The following CSNK1E variants were observed in gnomAD, a reference collection of about 807,000 sequenced individuals.
CSNK1E encodes casein kinase I isoform epsilon.
Under a neutral mutation model 46.1 loss-of-function variants are expected in CSNK1E, and 17 were observed. The observed-to-expected ratio is 0.37, with a 90% CI of 0.25 to 0.55. The LOEUF (loss-of-function observed/expected upper bound fraction) is 0.55. CSNK1E is among the 20% of genes least tolerant of loss of function. CSNK1E has a pLI of 0.82. For synonymous variants in CSNK1E, 241 were observed against 242.6 expected, an observed-to-expected ratio of 0.99 and a Z score of 0.06; for missense variants, 386 against 595.4, an observed-to-expected ratio of 0.65 and a Z score of 3.66.
At position 38,303,062 on chromosome 22, in the gene CSNK1E, A is replaced by G. The variant is rs2092681613; in HGVS notation, c.188-53T>C. The G allele has an allele frequency of 1.9e-6, 3 of 1,601,668 alleles. No individual in the cohort carries two copies. In the African/African-American group the frequency reaches 4.0e-5, roughly 21 times the overall value. ...AGGGGTCAGAGGCAGGCAGCCAGCC[A>G]CGCCCGGCCCACCCTGTGCTCATGG... On this transcript the variant is annotated intron_variant, in intron 3 of 10. Coordinates refer to ENST00000396832, the MANE Select transcript of CSNK1E (RefSeq NM_152221.3). This position sits in a 1 kb window ranked among gnomAD's most constrained non-coding sequence, Gnocchi z 4.7.
intron 7 of CSNK1E, among the ~76,000 whole-genome samples, chr22:38,295,036 G>GGT (rs1569075280): frequency 1.3e-5 from 2 of 152,208 alleles, no homozygotes; most frequent in African/African-American, 4.8e-5. Context: ...CTAGGACTCA[G>GGT]ACCAGCTCTC....
intron 2 of CSNK1E, among the ~76,000 whole-genome samples, chr22:38,310,016 T>A (rs922469096): frequency 3.3e-5 from 5 of 152,160 alleles, no homozygotes; most frequent in African/African-American, 1.2e-4. Flanking sequence ...AAGCTGAGGT[T>A]CAGAAACGTT....
rs2092654429 is a variant in CSNK1E, at chr22:38,298,676, T to C, written c.885+110A>G. 9 of 1,288,166 alleles carry C rather than the reference T, an allele frequency of 7.0e-6. No homozygotes were observed. Among genetic ancestry groups the C allele is most frequent in the East Asian group, 2.3e-5 (1 of 43,106 alleles). The allele number at this position is 1,288,166 out of a possible 1,614,324, so 79.8% of individuals were successfully genotyped here. A position where few individuals can be genotyped will look rare whatever the true frequency, so the allele number is the denominator to read the frequency against. ...GAGGTCAACCACACTGTCCAGCTCGTACCTCCCGTCTGTCGGGAGCCCCTC... is the reference window on the plus strand; with the variant it reads ...GAGGTCAACCACACTGTCCAGCTCGCACCTCCCGTCTGTCGGGAGCCCCTC... On this transcript the variant is annotated intron_variant, in intron 7 of 10. Coordinates refer to ENST00000396832, the MANE Select transcript of CSNK1E (RefSeq NM_152221.3). The surrounding 1 kb of genome is among the most constrained non-coding windows in gnomAD (Gnocchi z 4.2).
chr22:38,316,188 C>T (rs1437202600), intron 1 of CSNK1E, among the ~76,000 whole-genome samples: 1 of 152,172 alleles, frequency 6.6e-6, no homozygotes, highest in Non-Finnish European at 1.5e-5. Flanking sequence ...AGACAAACTA[C>T]CAACCAGCAT....
At chr22:38,311,699 T>G (rs1252052031) in intron 2 of CSNK1E, among the ~76,000 whole-genome samples, 1 of 152,136 alleles carries the variant, frequency 6.6e-6, no homozygotes, top group Non-Finnish European at 1.5e-5. Context: ...ATGAGAAGAC[T>G]GAGGCTCAGA....
chr22:38,314,050 C>G (rs2092732660), intron 2 of CSNK1E, 32 bp downstream of exon 2: 7 of 1,599,708 alleles, frequency 4.4e-6, no homozygotes, highest in Non-Finnish European at 6.0e-6. Flanking sequence ...GGGCTGGCCC[C>G]AGGGGCTCCA....
chr22:38,296,143 CAAG>C, intron 7 of CSNK1E: 1 of 991,248 alleles, frequency 1.0e-6, no homozygotes, highest in Non-Finnish European at 1.2e-6. Flanking sequence ...AGCCCCGAGG[CAAG>C]AAGTGGGCGA....
At chr22:38,308,073 C>T (rs1289354757) in intron 2 of CSNK1E, among the ~76,000 whole-genome samples, 1 of 152,150 alleles carries the variant, frequency 6.6e-6, no homozygotes, top group Non-Finnish European at 1.5e-5. Flanking sequence ...CATCCCCTGC[C>T]CCCCAACTAA....
Position 38,300,771 on chromosome 22 carries a change from A to G in CSNK1E, c.518T>C (p.Leu173Pro). The part of the protein sequence containing the change: ...QHIPYRENKN[L>P]TGTARYASIN... ...GGAAGCGTAGCGGGCCGTGCCGGTCAGGTTCTTGTTTTCCCGGTAGGGAAT... is the reference window on the plus strand; with the variant it reads ...GGAAGCGTAGCGGGCCGTGCCGGTCGGGTTCTTGTTTTCCCGGTAGGGAAT... The change falls in exon 5 of 11, where the codon CTG (leucine) becomes CCG (proline). Residue 173 changes from leucine (L) to proline (P), a missense_variant. Physicochemically the swap from Leu to Pro is moderately conservative, Grantham distance 98. Coordinates refer to ENST00000396832, the MANE Select transcript of CSNK1E (RefSeq NM_152221.3). This position sits in a 1 kb window ranked among gnomAD's most constrained non-coding sequence, Gnocchi z 4.4. 1 of 1,614,202 alleles carries G rather than the reference A, an allele frequency of 6.2e-7. No homozygotes were observed. Among genetic ancestry groups the G allele is most frequent in the Non-Finnish European group, 8.5e-7 (1 of 1,180,022 alleles).
chr22:38,297,149 T>A (rs1287644945), intron 7 of CSNK1E: 1 of 778,892 alleles, frequency 1.3e-6, no homozygotes, highest in African/African-American at 1.7e-5. Flanking sequence ...TCTTGGACAG[T>A]GTCCGTCTAG....
At chr22:38,297,413 G>A (rs2092646689) in intron 7 of CSNK1E, among the ~76,000 whole-genome samples, 1 of 152,208 alleles carries the variant, frequency 6.6e-6, no homozygotes, top group African/African-American at 2.4e-5. Flanking sequence ...GCCTCTCCCT[G>A]AGGTCCCTAG....
At chr22:38,307,489 T>C (rs748293934) in intron 2 of CSNK1E, among the ~76,000 whole-genome samples, 1 of 151,454 alleles carries the variant, frequency 6.6e-6, no homozygotes, top group Admixed American at 6.6e-5. Flanking sequence ...AGGCGGAGGT[T>C]GCAGTGAGCC....
rs946826447 is a variant in CSNK1E, at chr22:38,290,928, CA to C, written c.*1042del. 1.4e-5 allele frequency: 2 copies of C among 146,960 alleles called. No individual in the cohort carries two copies. The highest frequency in any genetic ancestry group is 6.8e-5 in the Admixed American group (1 of 14,788). 9.1% of individuals were successfully genotyped at this position (146,960 alleles called of 1,614,324 possible). The stretch of plus-strand genomic sequence containing the variant: ...AAAACACACACACGGAGAAAACAAA[CA>C]AAAATAAAATAAAATAAAAACAAAA... On this transcript the variant is annotated 3_prime_UTR_variant, in exon 11 of 11. Transcript: ENST00000396832.
At chr22:38,293,776 T>TG in intron 9 of CSNK1E, 1 of 414,488 alleles carries the variant, frequency 2.4e-6, no homozygotes, top group East Asian at 4.1e-5. Flanking sequence ...CAGGGGCTCC[T>TG]GGGGGCTCCC....
chr22:38,299,947 G>A lies in CSNK1E; in HGVS notation c.684C>T (p.Ile228=), dbSNP rs1389901995. The A allele has an allele frequency of 6.1e-5, 99 of 1,614,084 alleles. No homozygotes were observed. Among genetic ancestry groups the A allele is most frequent in the Non-Finnish European group, 8.2e-5 (97 of 1,180,042 alleles). Residue 228 remains isoleucine, a synonymous_variant, in exon 6 of 11, where the codon ATC becomes ATT. Coordinates refer to ENST00000396832, the MANE Select transcript of CSNK1E (RefSeq NM_152221.3). ...TGGGCGTTGACATCTTCTTCTCGCTGATCCGTTCATACTTCTGGCGCTTGG... is the reference window on the plus strand; with the variant it reads ...TGGGCGTTGACATCTTCTTCTCGCTAATCCGTTCATACTTCTGGCGCTTGG... The part of the protein sequence containing the change: ...AATKRQKYER[I]SEKKMSTPIE...
intron 7 of CSNK1E, chr22:38,297,975 T>C: frequency 8.8e-7 from 1 of 1,139,646 alleles, no homozygotes; most frequent in Non-Finnish European, 1.1e-6. Flanking sequence ...TGGGGGGCTC[T>C]GGGTGCCCAG....
rs775703068 is a variant in CSNK1E at position 38,294,378 on chromosome 22, C to T, written c.1042G>A (p.Val348Met). The T allele has an allele frequency of 3.3e-5, 52 of 1,557,364 alleles. No individual in the cohort carries two copies. In the Admixed American group the frequency reaches 5.0e-4, roughly 15 times the overall value. Residue 348 changes from valine (V) to methionine (M), a missense_variant, in exon 8 of 11, where the codon GTG becomes ATG. Around this residue, in one of 2 missense-constraint regions of CSNK1E, gnomAD observed 174 missense variants for 185.2 expected, o/e 0.94. Transcript: ENST00000396832. This position sits in a 1 kb window ranked among gnomAD's most constrained non-coding sequence, Gnocchi z 5.5. ...ATGCGGGAGGCTGGCGTGGAAGCCA[C>T]GGGCTCGGCGGCACTGCGGAGCCGG... ...ANRLRSAAEP[V>M]ASTPASRIQP...
chr22:38,316,358 C>T (rs1278406686), intron 1 of CSNK1E, among the ~76,000 whole-genome samples: 2 of 152,186 alleles, frequency 1.3e-5, no homozygotes, highest in Admixed American at 6.5e-5. Flanking sequence ...ACTTGAGACA[C>T]TTGTGTCCCC....
At chr22:38,296,721 C>T (rs891029024) in intron 7 of CSNK1E, 3 of 1,602,858 alleles carry the variant, frequency 1.9e-6, no homozygotes, top group Non-Finnish European at 2.6e-6. Context: ...GCTAGACAGT[C>T]TTGTGAGACT....
Sources: gnomAD v4.1 joint callset for allele counts (sites outside exome capture counted in the v4.1 genomes callset) on GRCh38, gnomAD v4.1.1 for gene constraint, gnomAD v4.1.1 regional missense constraint, Gnocchi (gnomAD v3.1) non-coding constraint, MANE v1.5 for transcripts, NCBI Gene and HGNC (gene_info 2026-07-23, HGNC 2026-07-21) for gene names.